Variants in PTK7 observed in about 807,000 individuals in gnomAD.
PTK7 encodes inactive tyrosine-protein kinase 7.
A neutral mutation model predicts 116.6 loss-of-function variants in PTK7; 39 were observed. The ratio of observed to expected loss-of-function variants is 0.33; its 90% confidence interval spans 0.26 to 0.44. The LOEUF (loss-of-function observed/expected upper bound fraction) is 0.44, where lower values mean the gene tolerates loss of function less well. Among genes scored for constraint, PTK7 ranks in the 20% least tolerant of loss-of-function variants. The pLI, the probability that PTK7 is intolerant of heterozygous loss-of-function variation, is 1.00. For missense variants in PTK7, 1,169 were observed against 1,425.6 expected (o/e 0.82, Z 2.90); for synonymous variants, 546 against 563.6 (o/e 0.97, Z 0.44).
At chr6:43,158,751 G>A (rs914855845) in intron 17 of PTK7, 66 bp from the exon 18 acceptor site, 22 of 1,528,776 alleles carry the variant, frequency 1.4e-5, no homozygotes, top group East Asian at 2.3e-5. Context: ...ACCAAGGGTT[G>A]TGTTGAGGGT....
chr6:43,123,977 C>T (rs990020539), intron 1 of PTK7, among the ~76,000 whole-genome samples: 4 of 152,186 alleles, frequency 2.6e-5, no homozygotes, highest in Non-Finnish European at 4.4e-5. Context: ...TAGGGAGCAG[C>T]GGAGGCAGGG....
At chr6:43,087,396 T>C (rs182265579) in intron 1 of PTK7, among the ~76,000 whole-genome samples, 2 of 152,326 alleles carry the variant, frequency 1.3e-5, no homozygotes, top group East Asian at 3.9e-4. Flanking sequence ...CTTTCTCTTG[T>C]TTCCTCTCTC....
At chr6:43,087,748 T>C (rs772572033) in intron 1 of PTK7, among the ~76,000 whole-genome samples, 1 of 152,172 alleles carries the variant, frequency 6.6e-6, no homozygotes, top group Non-Finnish European at 1.5e-5. Context: ...TCTCCAGCCT[T>C]GTTTCTGCCA....
Position 43,129,604 on chromosome 6 carries a change from C to T in PTK7, c.368-123C>T, listed in dbSNP as rs1465672918. 2 of 856,760 alleles carry T rather than the reference C, an allele frequency of 2.3e-6. No individual in the cohort carries two copies. Among genetic ancestry groups the T allele is most frequent in the African/African-American group, 1.7e-5 (1 of 60,126 alleles). 53.1% of individuals were successfully genotyped at this position (856,760 alleles called of 1,614,324 possible). A position where few individuals can be genotyped will look rare whatever the true frequency, so the allele number is the denominator to read the frequency against. On this transcript the variant is annotated intron_variant, in intron 2 of 19. Coordinates refer to ENST00000230419, the MANE Select transcript of PTK7 (RefSeq NM_002821.5). The surrounding 1 kb of genome is among the most constrained non-coding windows in gnomAD (Gnocchi z 4.5). ...GTAGCCCCAGCCTCAGCCTCCAGGG[C>T]TTCCTTGTGTCTGTTGGCACAGAGC...
intron 1 of PTK7, among the ~76,000 whole-genome samples, chr6:43,118,657 CTCTATATA>C (rs796260001): frequency 0.028 from 1,696 of 60,856 alleles, 6 homozygotes; most frequent in African/African-American, 0.037. Flanking sequence ...CTCTCTCTCT[CTCTATATA>C]TATATATATA....
At chr6:43,110,211 C>T (rs967811666) in intron 1 of PTK7, among the ~76,000 whole-genome samples, 17 of 151,642 alleles carry the variant, frequency 1.1e-4, no homozygotes, top group African/African-American at 3.1e-4. Context: ...AGGCTGGTCT[C>T]GAACTCTTGA....
chr6:43,136,754 A>G (rs1337351835), intron 7 of PTK7, among the ~76,000 whole-genome samples: 1 of 152,120 alleles, frequency 6.6e-6, no homozygotes, highest in Non-Finnish European at 1.5e-5. Flanking sequence ...CAATCCCAGT[A>G]TTTTAGGAGG....
intron 1 of PTK7, among the ~76,000 whole-genome samples, chr6:43,077,623 G>C (rs1384087410): frequency 6.6e-6 from 1 of 152,084 alleles, no homozygotes; most frequent in African/African-American, 2.4e-5. Flanking sequence ...TAAAGCCCCC[G>C]ACCCTCCACA....
At chr6:43,126,820 G>T (rs572269816) in intron 1 of PTK7, among the ~76,000 whole-genome samples, 1 of 152,164 alleles carries the variant, frequency 6.6e-6, no homozygotes, top group Non-Finnish European at 1.5e-5. Context: ...TCACAATGCC[G>T]GGAGGGCAGA....
intron 1 of PTK7, among the ~76,000 whole-genome samples, chr6:43,093,478 GAGA>G (rs975990158): frequency 6.6e-6 from 1 of 152,162 alleles, no homozygotes; most frequent in African/African-American, 2.4e-5. Context: ...CAAGGATACA[GAGA>G]AGACCAAAGA....
intron 17 of PTK7, among the ~76,000 whole-genome samples, chr6:43,157,371 T>TATATATATAAA (rs1561990682): frequency 9.3e-5 from 8 of 85,750 alleles, no homozygotes; most frequent in African/African-American, 3.3e-4. Flanking sequence ...TATATTTTTT[T>TATATATATAAA]TTTTCTTTTT....
intron 1 of PTK7, among the ~76,000 whole-genome samples, chr6:43,121,927 C>T (rs539577576): frequency 6.6e-6 from 1 of 152,220 alleles, no homozygotes; most frequent in East Asian, 1.9e-4. Flanking sequence ...ATCACTTCAG[C>T]CCAGAAGTTC....
At chr6:43,153,578 T>A (rs1400622643) in intron 17 of PTK7, among the ~76,000 whole-genome samples, 2 of 152,098 alleles carry the variant, frequency 1.3e-5, no homozygotes, top group Non-Finnish European at 2.9e-5. Flanking sequence ...CCTGGCTAAT[T>A]TTTAAATGTT....
At chr6:43,136,450 G>A (rs547062199) in intron 7 of PTK7, among the ~76,000 whole-genome samples, 23 of 152,282 alleles carry the variant, frequency 1.5e-4, no homozygotes, top group African/African-American at 4.8e-4. Context: ...GTGTGCTATC[G>A]GCTGGGTGTA....
Position 43,142,037 on chromosome 6 carries a change from G to C in PTK7, c.1875G>C (p.Trp625Cys). The C allele has an allele frequency of 6.2e-7, 1 of 1,613,942 alleles. No homozygotes were observed. Among genetic ancestry groups the C allele is most frequent in the African/African-American group, 1.3e-5 (1 of 75,012 alleles). Reference sequence around the variant, plus strand: ...GGGACCCCAAGCCGCTGATTCAGTGGAAAGGCAAGGACCGCATCCTGGACC... The same window carrying C: ...GGGACCCCAAGCCGCTGATTCAGTGCAAAGGCAAGGACCGCATCCTGGACC... ...AQGDPKPLIQ[W>C]KGKDRILDPT... is the part of the protein sequence containing the mutation. Residue 625 changes from tryptophan to cysteine, a missense_variant, in exon 12 of 20, where the codon TGG becomes TGC. This residue lies in a region of PTK7 where 678 missense variants were observed against 853.8 expected (regional missense o/e 0.79). Coordinates refer to ENST00000230419, the MANE Select transcript of PTK7 (RefSeq NM_002821.5).
At chr6:43,109,584 A>G (rs374294635) in intron 1 of PTK7, among the ~76,000 whole-genome samples, 4 of 151,862 alleles carry the variant, frequency 2.6e-5, no homozygotes, top group Non-Finnish European at 5.9e-5. Flanking sequence ...TAGAAGGACT[A>G]TTTTCTCCAT....
At chr6:43,148,008 G>A (rs967025223) in intron 17 of PTK7, among the ~76,000 whole-genome samples, 11 of 152,266 alleles carry the variant, frequency 7.2e-5, no homozygotes, top group South Asian at 2.1e-4. Context: ...AGCTAGGTGC[G>A]GTGGGAGGCT....
chr6:43,127,026 G>T (rs772536575), intron 1 of PTK7, among the ~76,000 whole-genome samples: 28 of 152,322 alleles, frequency 1.8e-4, no homozygotes, highest in Non-Finnish European at 1.6e-4. Context: ...CCAGCCTGGG[G>T]GATCCTGGAA....
chr6:43,131,869 C>G (rs45604140), intron 5 of PTK7, 147 bp from the exon 6 acceptor site: 112,714 of 1,062,440 alleles, frequency 0.11, 6,506 homozygotes, highest in African/African-American at 0.18. Context: ...ACACACCAGT[C>G]TGGAGTGTCA....
Sources: gnomAD v4.1 joint callset for allele counts (sites outside exome capture counted in the v4.1 genomes callset) on GRCh38, gnomAD v4.1.1 for gene constraint, gnomAD v4.1.1 regional missense constraint, Gnocchi (gnomAD v3.1) non-coding constraint, MANE v1.5 for transcripts, NCBI Gene and HGNC (gene_info 2026-07-23, HGNC 2026-07-21) for gene names.